Variants in DYM observed in about 807,000 individuals in gnomAD.
DYM encodes dymeclin, also known as dyggve-Melchior-Clausen syndrome protein.
Under a neutral mutation model 93.1 loss-of-function variants are expected in DYM, and 78 were observed. The observed-to-expected ratio is 0.84, with a 90% CI of 0.70 to 1.01. The LOEUF is 1.01. DYM is among the 50% of genes least tolerant of loss of function. The probability of loss-of-function intolerance (pLI) is 0.00; values close to 1 mark genes in which losing one functional copy is unlikely to be tolerated. For synonymous variants in DYM, 321 were observed against 319.7 expected (o/e 1.00, Z -0.04); for missense variants, 789 against 845.0 (o/e 0.93, Z 0.82).
intron 6 of DYM, among the ~76,000 whole-genome samples, chr18:49,344,115 T>A (rs2064381927): frequency 6.6e-6 from 1 of 152,220 alleles, no homozygotes; most frequent in East Asian, 1.9e-4. Flanking sequence ...AGATGACTGA[T>A]GTTTTTCAAA....
intron 1 of DYM, among the ~76,000 whole-genome samples, chr18:49,441,311 A>AATTATATT (rs1568455312): frequency 2.9e-4 from 10 of 34,382 alleles, no homozygotes; most frequent in South Asian, 2.2e-3. Flanking sequence ...ATATATAATT[A>AATTATATT]ATATATAATT....
chr18:49,429,665 G>T (rs1028736104), intron 2 of DYM, among the ~76,000 whole-genome samples: 17 of 152,112 alleles, frequency 1.1e-4, no homozygotes, highest in Admixed American at 9.8e-4. Context: ...CTACCAAATT[G>T]CAAATGCACA....
chr18:49,058,279 G>T (rs932263223), intron 17 of DYM, among the ~76,000 whole-genome samples: 1 of 151,568 alleles, frequency 6.6e-6, no homozygotes, highest in Non-Finnish European at 1.5e-5. Flanking sequence ...TATAACACAG[G>T]CTCCAATTTT....
At chr18:49,428,090 CA>C (rs1246089098) in intron 2 of DYM, among the ~76,000 whole-genome samples, 16 of 140,650 alleles carry the variant, frequency 1.1e-4, no homozygotes, top group Admixed American at 2.1e-4. Flanking sequence ...GACCTTGTCT[CA>C]AAAAAAAAAG....
chr18:49,064,648 A>G (rs1431648776), intron 17 of DYM, among the ~76,000 whole-genome samples: 1 of 152,190 alleles, frequency 6.6e-6, no homozygotes, highest in Non-Finnish European at 1.5e-5. Context: ...CTTTGCACTT[A>G]TATGTGGAGA....
At chr18:49,250,722 A>G (rs1222504135) in intron 13 of DYM, among the ~76,000 whole-genome samples, 8 of 152,230 alleles carry the variant, frequency 5.3e-5, no homozygotes. Flanking sequence ...GTTGAAAAAG[A>G]AAAACCTACA....
At chr18:49,261,989 A>C (rs952553296) in intron 11 of DYM, among the ~76,000 whole-genome samples, 1 of 152,196 alleles carries the variant, frequency 6.6e-6, no homozygotes, top group Non-Finnish European at 1.5e-5. Flanking sequence ...TACCATACAT[A>C]ATGTATTAGA....
At chr18:49,264,929 A>G (rs1199343026) in intron 11 of DYM, among the ~76,000 whole-genome samples, 1 of 152,236 alleles carries the variant, frequency 6.6e-6, no homozygotes, top group Non-Finnish European at 1.5e-5. Flanking sequence ...CTGGCAAGTT[A>G]AAACTAGGAG....
At chr18:49,271,830 T>C (rs2094706799) in intron 11 of DYM, among the ~76,000 whole-genome samples, 1 of 152,036 alleles carries the variant, frequency 6.6e-6, no homozygotes, top group Non-Finnish European at 1.5e-5. Flanking sequence ...TTTTGGTCCC[T>C]TTTTCTTCTC....
At chr18:49,295,205 A>G (rs142126215) in intron 8 of DYM, among the ~76,000 whole-genome samples, 134 of 152,336 alleles carry the variant, frequency 8.8e-4, no homozygotes, top group Middle Eastern at 6.8e-3. Context: ...ATAAGGAAAG[A>G]AAGTTTCACC....
Position 49,117,507 on chromosome 18 carries a change from C to A in DYM, c.1911+1237G>T, listed in dbSNP as rs143397149. 2.0e-5 allele frequency among the ~76,000 whole-genome samples: 3 copies of A among 152,060 alleles called. No individual in the cohort carries two copies. In the East Asian group the frequency reaches 5.8e-4, roughly 29 times the overall value. ...AGTTCCTCTTTTGGGAGTGCCTGTT[C>A]GATTCTTGTTAGTTTTTCTATTGAG... On this transcript the variant is annotated intron_variant, in intron 16 of 17. Coordinates refer to ENST00000675505, the MANE Select transcript of DYM (RefSeq NM_001353214.3).
intron 8 of DYM, among the ~76,000 whole-genome samples, chr18:49,329,977 G>T (rs1283103946): frequency 6.6e-6 from 1 of 152,092 alleles, no homozygotes; most frequent in Non-Finnish European, 1.5e-5. Context: ...TCAAATCCTG[G>T]CAACTTGATT....
intron 3 of DYM, among the ~76,000 whole-genome samples, chr18:49,388,913 CA>C (rs59658815): frequency 0.8 from 102,828 of 128,804 alleles, 40,538 homozygotes; most frequent in South Asian, 0.85. Context: ...CATTTTCAGA[CA>C]AAAAAAAAAA....
At chr18:49,183,650 G>A (rs76864753) in intron 14 of DYM, among the ~76,000 whole-genome samples, 4,449 of 152,044 alleles carry the variant, frequency 0.029, 209 homozygotes, top group African/African-American at 0.1. Context: ...GATGCCTAGC[G>A]TAGTGCCTGT....
intron 14 of DYM, among the ~76,000 whole-genome samples, chr18:49,203,328 C>T (rs188479901): frequency 2.5e-5 from 2 of 79,888 alleles, no homozygotes; most frequent in African/African-American, 4.2e-5. Context: ...CCCCTCTGCC[C>T]GGCCACCACC....
chr18:49,263,537 T>C (rs963737983), intron 11 of DYM, among the ~76,000 whole-genome samples: 4 of 151,706 alleles, frequency 2.6e-5, no homozygotes, highest in Non-Finnish European at 4.4e-5. Flanking sequence ...AAGACCAGCC[T>C]GGCCAAGATG....
intron 8 of DYM, among the ~76,000 whole-genome samples, chr18:49,292,355 G>C (rs12962011): frequency 0.11 from 9,223 of 83,726 alleles, 556 homozygotes; most frequent in East Asian, 0.21. Flanking sequence ...CAGACAGACA[G>C]ACACACACAC....
intron 10 of DYM, among the ~76,000 whole-genome samples, chr18:49,277,220 T>G (rs1038367681): frequency 8.5e-5 from 13 of 152,150 alleles, no homozygotes; most frequent in Admixed American, 2.0e-4. Context: ...AATACAGAAC[T>G]GAACATATAT....
intron 15 of DYM, among the ~76,000 whole-genome samples, chr18:49,158,291 G>A (rs950610164): frequency 1.8e-4 from 27 of 152,124 alleles, no homozygotes; most frequent in African/African-American, 6.5e-4. Flanking sequence ...TAACTATCCT[G>A]TAAGTAGGTA....
Sources: allele counts gnomAD v4.1 joint callset (sites outside exome capture counted in the v4.1 genomes callset), GRCh38; gene constraint gnomAD v4.1.1; transcripts MANE v1.5; gene names NCBI Gene and HGNC (gene_info 2026-07-23, HGNC 2026-07-21).